Variants in MID2 observed in about 807,000 individuals in gnomAD.
MID2 encodes the protein probable E3 ubiquitin-protein ligase MID2.
A neutral mutation model predicts 46.1 loss-of-function variants in MID2; 13 were observed. The observed-to-expected ratio is 0.28, with a 90% CI of 0.18 to 0.45. The LOEUF is 0.45. Ranked by LOEUF, MID2 falls within the 20% of genes least tolerant of loss-of-function variation. The pLI is 1.00. For synonymous variants in MID2, 199 were observed against 212.3 expected (o/e 0.94, Z 0.55); for missense variants, 431 against 575.4 (o/e 0.75, Z 2.57).
Position 107,927,149 on chromosome X carries a change from A to G in MID2, c.*76A>G, listed in dbSNP as rs1478415235. 3 of 912,786 alleles carry G rather than the reference A, an allele frequency of 3.3e-6. No homozygotes were observed. The African/African-American group carries it at 6.0e-5, about 18-fold the overall frequency. 75.2% of individuals were successfully genotyped at this position (912,786 alleles called of 1,213,427 possible). On this transcript the variant is annotated 3_prime_UTR_variant, in exon 10 of 10. Coordinates refer to ENST00000262843, the MANE Select transcript of MID2 (RefSeq NM_012216.4). ...CCTCCTACACCTAAGTTAGCGTTCAATATACGAGACACAAAATAAAGTTTG... is the reference window on the plus strand; with the variant it reads ...CCTCCTACACCTAAGTTAGCGTTCAGTATACGAGACACAAAATAAAGTTTG...
intron 1 of MID2, among the ~76,000 whole-genome samples, chrX:107,828,205 T>C (rs1351594803): frequency 3.6e-5 from 4 of 111,345 alleles, no homozygotes; most frequent in Non-Finnish European, 7.5e-5. Context: ...ATTGTAAGCT[T>C]CCTGAGTCCT....
At chrX:107,890,979 G>T (rs966645814) in intron 3 of MID2, among the ~76,000 whole-genome samples, 3 of 110,534 alleles carry the variant, frequency 2.7e-5, no homozygotes, top group African/African-American at 9.8e-5. Context: ...CAGTGTTAGG[G>T]TGGGAGTGAC....
At chrX:107,888,762 TG>T (rs1412698484) in intron 3 of MID2, among the ~76,000 whole-genome samples, 1 of 111,858 alleles carries the variant, frequency 8.9e-6, no homozygotes, top group Non-Finnish European at 1.9e-5. Context: ...TAAGTCTCTT[TG>T]TAGGCCTCTA....
intron 3 of MID2, among the ~76,000 whole-genome samples, chrX:107,878,095 C>G (rs973408783): frequency 9.0e-6 from 1 of 111,498 alleles, no homozygotes; most frequent in Non-Finnish European, 1.9e-5. Flanking sequence ...ATTCTTCCCC[C>G]GCTTTGGACT....
At chrX:107,920,366 T>C (rs1933048099) in intron 7 of MID2, among the ~76,000 whole-genome samples, 1 of 112,394 alleles carries the variant, frequency 8.9e-6, no homozygotes, top group South Asian at 3.7e-4. Context: ...TGTTTCAGAT[T>C]ATGCTGTGAG....
chrX:107,844,908 T>C (rs1931427250), intron 2 of MID2, among the ~76,000 whole-genome samples: 1 of 112,226 alleles, frequency 8.9e-6, no homozygotes, highest in East Asian at 2.8e-4. Flanking sequence ...AAATAATGTC[T>C]TGTATTTCTT....
chrX:107,858,222 C>T (rs143517468), intron 3 of MID2, among the ~76,000 whole-genome samples: 149 of 111,861 alleles, frequency 1.3e-3, no homozygotes, highest in African/African-American at 4.6e-3. Flanking sequence ...TTTTCTGCTG[C>T]GGCTGGAGAG....
chrX:107,888,607 A>C (rs1329550681), intron 3 of MID2, among the ~76,000 whole-genome samples: 1 of 111,915 alleles, frequency 8.9e-6, no homozygotes, highest in Non-Finnish European at 1.9e-5. Flanking sequence ...TTTGGGCTGG[A>C]GAGTTCTGTA....
chrX:107,836,812 A>G (rs1417187916), intron 1 of MID2, among the ~76,000 whole-genome samples: 2 of 111,858 alleles, frequency 1.8e-5, no homozygotes, highest in African/African-American at 6.5e-5. Flanking sequence ...AACAGTTAAT[A>G]TATGATAATT....
rs776490533 is a variant in MID2, at chrX:107,930,004, C to T, written c.*2931C>T. Among the ~76,000 whole-genome samples, 1 of 111,867 alleles carries T rather than the reference C, an allele frequency of 8.9e-6. No homozygotes were observed. Among genetic ancestry groups the T allele is most frequent in the South Asian group, 3.7e-4 (1 of 2,680 alleles). On this transcript the variant is annotated 3_prime_UTR_variant, in exon 10 of 10. Transcript: ENST00000262843. ...ATCTGAGAACATAGGCAGGAATTTA[C>T]ATTTTTGACAAGCTCCTCATGATTC...
intron 3 of MID2, among the ~76,000 whole-genome samples, chrX:107,855,470 C>T (rs1206425942): frequency 8.9e-6 from 1 of 111,844 alleles, no homozygotes; most frequent in East Asian, 2.8e-4. Context: ...GGTAGGGCTT[C>T]AAGTGTAAAC....
At chrX:107,850,001 C>G (rs1931573560) in intron 2 of MID2, among the ~76,000 whole-genome samples, 1 of 112,073 alleles carries the variant, frequency 8.9e-6, no homozygotes, top group African/African-American at 3.2e-5. Flanking sequence ...GGCTCTCTTG[C>G]TGTCACGGTT....
rs1281152518 is a variant in MID2, at chrX:107,886,092, A to C, written c.817-17866A>C. Among the ~76,000 whole-genome samples the C allele has an allele frequency of 2.7e-5, 3 of 111,601 alleles. No homozygotes were observed. In the Admixed American group the frequency reaches 2.8e-4, roughly 11 times the overall value. Reference sequence around the variant, plus strand: ...TAGGTGGCCTGTTCACTCTGATGGTAGTTTCTTTTGCTGTGCAGAAGCTCT... The same window carrying C: ...TAGGTGGCCTGTTCACTCTGATGGTCGTTTCTTTTGCTGTGCAGAAGCTCT... On this transcript the variant is annotated intron_variant, in intron 3 of 9. Coordinates refer to ENST00000262843, the MANE Select transcript of MID2 (RefSeq NM_012216.4).
intron 3 of MID2, among the ~76,000 whole-genome samples, chrX:107,897,681 T>A (rs908141844): frequency 1.8e-5 from 2 of 110,870 alleles, no homozygotes; most frequent in African/African-American, 6.6e-5. Flanking sequence ...CTAGTGGTAG[T>A]GATGTGTGTG....
rs1202112410 is a variant in MID2, at chrX:107,928,421, C to T, written c.*1348C>T. Among the ~76,000 whole-genome samples the T allele has an allele frequency of 9.1e-6, 1 of 110,438 alleles. No individual in the cohort carries two copies. Among genetic ancestry groups the T allele is most frequent in the African/African-American group, 3.3e-5 (1 of 30,341 alleles). ...GTCTATGATTTTTTTTTTTAAATTTCCATCGAAGGGATTGGGGATGTCAGA... is the reference window on the plus strand; with the variant it reads ...GTCTATGATTTTTTTTTTTAAATTTTCATCGAAGGGATTGGGGATGTCAGA... On this transcript the variant is annotated 3_prime_UTR_variant, in exon 10 of 10. Transcript: ENST00000262843.
chrX:107,884,665 T>A (rs1657313803), intron 3 of MID2, among the ~76,000 whole-genome samples: 1 of 110,545 alleles, frequency 9.0e-6, no homozygotes, highest in South Asian at 3.7e-4. Context: ...TAAAAATAAA[T>A]TTTAGCTACA....
intron 3 of MID2, among the ~76,000 whole-genome samples, chrX:107,857,207 G>T (rs12394544): frequency 0.02 from 2,247 of 111,409 alleles, 60 homozygotes; most frequent in African/African-American, 0.068. Context: ...CTACAGGATG[G>T]CTTATGGAAG....
intron 3 of MID2, among the ~76,000 whole-genome samples, chrX:107,903,325 GT>G (rs200111395): frequency 0.021 from 2,084 of 99,915 alleles, 64 homozygotes; most frequent in African/African-American, 0.07. Flanking sequence ...CAGAATGGTA[GT>G]TTTTTTTTTT....
Position 107,926,658 on chromosome X carries a change from C to T in MID2, c.1806-13C>T, listed in dbSNP as rs375800714. 3 of 1,194,443 alleles carry T rather than the reference C, an allele frequency of 2.5e-6. No individual in the cohort carries two copies. Among genetic ancestry groups the T allele is most frequent in the Non-Finnish European group, 3.4e-6 (3 of 883,802 alleles). On this transcript the variant is annotated splice_polypyrimidine_tract_variant and intron_variant, in intron 9 of 9. Transcript: ENST00000262843. ...TAAATGTTTATTTCTCTCTCCTTTC[C>T]ACTGTCTCACAGGTATGCAATTGGC... is the stretch of plus-strand genomic sequence containing the variant.
Sources: allele counts gnomAD v4.1 joint callset (sites outside exome capture counted in the v4.1 genomes callset), GRCh38; gene constraint gnomAD v4.1.1; transcripts MANE v1.5; gene names NCBI Gene and HGNC (gene_info 2026-07-23, HGNC 2026-07-21).